Variants in ARHGAP17 observed in about 807,000 individuals in gnomAD.
ARHGAP17 encodes the protein rho GTPase-activating protein 17.
A neutral mutation model predicts 99.5 loss-of-function variants in ARHGAP17; 57 were observed. That is an observed-to-expected ratio of 0.57 (90% CI 0.46 to 0.71). The LOEUF (loss-of-function observed/expected upper bound fraction) is 0.71. Among genes scored for constraint, ARHGAP17 ranks in the 30% least tolerant of loss-of-function variants. The pLI, the probability that ARHGAP17 is intolerant of heterozygous loss-of-function variation, is 0.00. For synonymous variants in ARHGAP17, 417 were observed against 429.6 expected (o/e 0.97, Z 0.36); for missense variants, 1,000 against 1,122.4 (o/e 0.89, Z 1.56).
intron 1 of ARHGAP17, among the ~76,000 whole-genome samples, chr16:24,985,937 T>C (rs1162704892): frequency 6.6e-6 from 1 of 152,162 alleles, no homozygotes; most frequent in Non-Finnish European, 1.5e-5. Context: ...ACCACCTCCC[T>C]TTTTATGCCT....
chr16:25,005,791 T>G (rs1310781810), intron 1 of ARHGAP17, among the ~76,000 whole-genome samples: 1 of 152,194 alleles, frequency 6.6e-6, no homozygotes, highest in African/African-American at 2.4e-5. Flanking sequence ...ATAACAAATT[T>G]TTTAAGGACA....
chr16:24,941,632 G>C (rs1006887025), intron 16 of ARHGAP17: 1 of 221,838 alleles, frequency 4.5e-6, no homozygotes, highest in Non-Finnish European at 9.0e-6. Flanking sequence ...CTCAATTCTG[G>C]ACAAAAGTCC....
At chr16:24,942,471 A>T (rs1403509386) in intron 15 of ARHGAP17, among the ~76,000 whole-genome samples, 2 of 152,214 alleles carry the variant, frequency 1.3e-5, no homozygotes, top group Non-Finnish European at 2.9e-5. Flanking sequence ...TGAATCATTC[A>T]AAAAGAGACA....
chr16:24,987,206 A>AC (rs1186682831), intron 1 of ARHGAP17, among the ~76,000 whole-genome samples: 1 of 152,236 alleles, frequency 6.6e-6, no homozygotes, highest in Non-Finnish European at 1.5e-5. Flanking sequence ...AAATGAACGG[A>AC]CCTGGCTGTG....
chr16:24,975,647 A>T (rs1415049911), intron 3 of ARHGAP17, among the ~76,000 whole-genome samples: 1 of 152,180 alleles, frequency 6.6e-6, no homozygotes. Context: ...AGTCTGTAGG[A>T]AACATAAAAG....
rs1416288257 is a variant in ARHGAP17 at position 24,939,553 on chromosome 16, C to G, written c.1535G>C (p.Gly512Ala). The change falls in exon 17 of 20, where the codon GGC (glycine) becomes GCC (alanine). Residue 512 changes from glycine to alanine, a missense_variant. Transcript: ENST00000289968. ...LMDFQAHRRG[G>A]TLNRKHISPA... ...GGATATGTGCTTTCTATTTAGAGTGCCACCCCGCCGGTGGGCCTGGAAGTC... is the reference window on the plus strand; with the variant it reads ...GGATATGTGCTTTCTATTTAGAGTGGCACCCCGCCGGTGGGCCTGGAAGTC... The G allele has an allele frequency of 6.2e-6, 10 of 1,605,916 alleles. No homozygotes were observed. The highest frequency in any genetic ancestry group is 8.5e-6 in the Non-Finnish European group (10 of 1,177,038).
At chr16:25,003,305 G>A (rs1436634557) in intron 1 of ARHGAP17, among the ~76,000 whole-genome samples, 1 of 135,468 alleles carries the variant, frequency 7.4e-6, no homozygotes, top group Non-Finnish European at 1.5e-5. Context: ...CAGGATCTCA[G>A]CTCATTGCAA....
intron 19 of ARHGAP17, chr16:24,929,771 G>T: frequency 1.9e-6 from 1 of 523,658 alleles, no homozygotes; most frequent in Non-Finnish European, 2.5e-6. Flanking sequence ...TGCAAATTAT[G>T]TATTATATTC....
At chr16:25,004,813 C>T (rs1407599448) in intron 1 of ARHGAP17, among the ~76,000 whole-genome samples, 2 of 152,206 alleles carry the variant, frequency 1.3e-5, no homozygotes, top group East Asian at 1.9e-4. Context: ...AAGAGAGAAA[C>T]ATCTTGGGAT....
chr16:24,951,862 T>G (rs964125231), intron 12 of ARHGAP17, among the ~76,000 whole-genome samples: 11 of 152,202 alleles, frequency 7.2e-5, no homozygotes. Flanking sequence ...TGCAATTATG[T>G]AGGGTATCAA....
Position 25,002,385 on chromosome 16 carries a change from T to C in ARHGAP17, c.53+12824A>G, listed in dbSNP as rs566144662. Among the ~76,000 whole-genome samples the C allele has an allele frequency of 1.1e-4, 16 of 152,300 alleles. No homozygotes were observed. The South Asian group carries it at 3.3e-3, about 32-fold the overall frequency. On this transcript the variant is annotated intron_variant, in intron 1 of 19. Transcript: ENST00000289968. ...GTCTTAGCCCTGCCGTCATCACCTC[T>C]CTGAGCCTACTGCAGTAGCTTCCTA... is the stretch of plus-strand genomic sequence containing the variant.
chr16:24,926,032 C>T (rs1378670646), intron 19 of ARHGAP17, among the ~76,000 whole-genome samples: 3 of 150,538 alleles, frequency 2.0e-5, no homozygotes, highest in African/African-American at 7.4e-5. Flanking sequence ...ATGGTGTGAA[C>T]CCAGGAGGCG....
intron 1 of ARHGAP17, among the ~76,000 whole-genome samples, chr16:24,983,071 C>A (rs2052752348): frequency 7.3e-6 from 1 of 137,916 alleles, no homozygotes; most frequent in Non-Finnish European, 1.5e-5. Context: ...GTGCCACAAT[C>A]TCAGATCACT....
rs573866435 is a variant in ARHGAP17 at position 24,952,407 on chromosome 16, G to A, written c.965-37C>T. ...AACACTCTCTTTGAGTATGAAAAAG[G>A]GGTAAGGCTAGGAATCTTGGGACAT... is the stretch of plus-strand genomic sequence containing the variant. On this transcript the variant is annotated intron_variant, in intron 11 of 19. Coordinates refer to ENST00000289968, the MANE Select transcript of ARHGAP17 (RefSeq NM_001006634.3). 91 of 1,525,690 alleles carry A rather than the reference G, an allele frequency of 6.0e-5. No individual in the cohort carries two copies. The South Asian group carries it at 9.5e-4, about 16-fold the overall frequency. The allele number at this position is 1,525,690 out of a possible 1,614,324, so 94.5% of individuals were successfully genotyped here. A position where few individuals can be genotyped will look rare whatever the true frequency, so the allele number is the denominator to read the frequency against.
Position 24,935,219 on chromosome 16 carries a change from G to A in ARHGAP17, c.1894+251C>T, listed in dbSNP as rs115060879. Reference sequence around the variant, plus strand: ...GCTTGGGACACCAGGAAAACTGGGAGCATTTCTGCAGAACTGACTGTTTGT... The same window carrying A: ...GCTTGGGACACCAGGAAAACTGGGAACATTTCTGCAGAACTGACTGTTTGT... On this transcript the variant is annotated intron_variant, in intron 18 of 19. Transcript: ENST00000289968. Among the ~76,000 whole-genome samples the A allele has an allele frequency of 6.0e-3, 911 of 152,334 alleles. 9 individuals are homozygous for A. Among genetic ancestry groups the A allele is most frequent in the African/African-American group, 0.021 (855 of 41,580 alleles).
intron 19 of ARHGAP17, among the ~76,000 whole-genome samples, chr16:24,928,713 G>A (rs1199049999): frequency 6.6e-6 from 1 of 152,174 alleles, no homozygotes; most frequent in African/African-American, 2.4e-5. Context: ...GTAGGCCTAA[G>A]GCTCAGGCCA....
rs550974159 is a variant in ARHGAP17 at position 24,950,852 on chromosome 16, A to G, written c.1047-1368T>C. Reference sequence around the variant, plus strand: ...ACTCCAACTCAAAAAAAAAAAAAAAAAAAAAAGAAAAAAGCTCAAATGCAA... The same window carrying G: ...ACTCCAACTCAAAAAAAAAAAAAAAGAAAAAAGAAAAAAGCTCAAATGCAA... On this transcript the variant is annotated intron_variant, in intron 12 of 19. Coordinates refer to ENST00000289968, the MANE Select transcript of ARHGAP17 (RefSeq NM_001006634.3). Among the ~76,000 whole-genome samples, 356 of 151,100 alleles carry G rather than the reference A, an allele frequency of 2.4e-3. 7 individuals are homozygous for G. Among genetic ancestry groups the G allele is most frequent in the African/African-American group, 7.6e-3 (313 of 41,162 alleles).
intron 6 of ARHGAP17, among the ~76,000 whole-genome samples, chr16:24,966,546 T>C (rs1447376910): frequency 6.6e-6 from 1 of 151,900 alleles, no homozygotes; most frequent in Non-Finnish European, 1.5e-5. Context: ...GACAGGAGTA[T>C]CGCTTGAACC....
At chr16:24,990,494 A>C (rs2053006577) in intron 1 of ARHGAP17, among the ~76,000 whole-genome samples, 4 of 151,988 alleles carry the variant, frequency 2.6e-5, no homozygotes. Context: ...TCAAAAAAAA[A>C]AAAAATTAAA....
Sources: allele counts gnomAD v4.1 joint callset (sites outside exome capture counted in the v4.1 genomes callset), GRCh38; gene constraint gnomAD v4.1.1; transcripts MANE v1.5; gene names NCBI Gene and HGNC (gene_info 2026-07-23, HGNC 2026-07-21).